The following MSRA variants were observed in gnomAD, a reference collection of about 807,000 sequenced individuals.
The protein encoded by MSRA is mitochondrial peptide methionine sulfoxide reductase.
In MSRA, 54 loss-of-function variants were observed where a neutral mutation model predicts 31.3. The ratio of observed to expected loss-of-function variants is 1.73; its 90% CI spans 1.39 to 2.17. The LOEUF (loss-of-function observed/expected upper bound fraction) is 2.17, where lower values mean the gene tolerates loss of function less well. MSRA is among the 30% of genes most tolerant of loss of function. MSRA has a pLI of 0.00. For synonymous variants in MSRA, 169 were observed against 116.5 expected (o/e 1.45, Z -2.90); for missense variants, 507 against 300.9 (o/e 1.69, Z -5.07).
chr8:10,157,411 A>T (rs902543255), intron 1 of MSRA, among the ~76,000 whole-genome samples: 82 of 152,150 alleles, frequency 5.4e-4, no homozygotes, highest in Non-Finnish European at 6.8e-4. Context: ...TTGATATCTC[A>T]GTTAATTTGG....
intron 5 of MSRA, among the ~76,000 whole-genome samples, chr8:10,417,330 G>C (rs1260769619): frequency 6.6e-6 from 1 of 151,854 alleles, no homozygotes; most frequent in Non-Finnish European, 1.5e-5. Context: ...TGACTCACAG[G>C]GGCAATTCCA....
intron 1 of MSRA, among the ~76,000 whole-genome samples, chr8:10,074,705 C>G (rs2128920088): frequency 1.3e-5 from 2 of 152,088 alleles, no homozygotes; most frequent in Admixed American, 1.3e-4. Flanking sequence ...GTTGCTGAGG[C>G]TGGAGTGCAG....
At chr8:10,186,716 TA>T (rs1807086863) in intron 1 of MSRA, among the ~76,000 whole-genome samples, 1 of 152,152 alleles carries the variant, frequency 6.6e-6, no homozygotes, top group Non-Finnish European at 1.5e-5. Context: ...TTTGGGGTAG[TA>T]GTGGCTGTGA....
chr8:10,358,610 T>TG (rs1804653527), intron 5 of MSRA, among the ~76,000 whole-genome samples: 1 of 87,090 alleles, frequency 1.1e-5, no homozygotes, highest in Non-Finnish European at 2.2e-5. Flanking sequence ...TTTTTTTTTT[T>TG]GAGACGGAGT....
chr8:10,360,942 A>T (rs1198310781), intron 5 of MSRA, among the ~76,000 whole-genome samples: 3 of 152,206 alleles, frequency 2.0e-5, no homozygotes, highest in Non-Finnish European at 4.4e-5. Flanking sequence ...CAGTACCTTT[A>T]TCTCTTAAAG....
At chr8:10,374,034 T>C (rs757359768) in intron 5 of MSRA, among the ~76,000 whole-genome samples, 3 of 152,184 alleles carry the variant, frequency 2.0e-5, no homozygotes, top group Non-Finnish European at 4.4e-5. Context: ...AGTTCCTGGC[T>C]TCCATGCAAA....
intron 1 of MSRA, among the ~76,000 whole-genome samples, chr8:10,117,983 ACT>A (rs1800809361): frequency 1.3e-5 from 2 of 152,184 alleles, no homozygotes; most frequent in South Asian, 4.1e-4. Flanking sequence ...ACCGTTCATC[ACT>A]CTGAGAGAGG....
At chr8:10,097,401 C>T (rs1032258321) in intron 1 of MSRA, among the ~76,000 whole-genome samples, 6 of 152,136 alleles carry the variant, frequency 3.9e-5, no homozygotes, top group Admixed American at 2.0e-4. Context: ...CTGATAGGCA[C>T]TCGGAAGGAA....
chr8:10,277,219 G>A (rs886191590), intron 3 of MSRA, among the ~76,000 whole-genome samples: 7 of 152,074 alleles, frequency 4.6e-5, no homozygotes, highest in African/African-American at 1.4e-4. Context: ...TCTAAGTCTC[G>A]TATCTTTTTC....
At chr8:10,270,169 A>G (rs986608206) in intron 3 of MSRA, among the ~76,000 whole-genome samples, 1 of 152,214 alleles carries the variant, frequency 6.6e-6, no homozygotes, top group Non-Finnish European at 1.5e-5. Flanking sequence ...TTAATGGAAT[A>G]TTATCAGAAA....
chr8:10,141,033 G>GA (rs1485901871), intron 1 of MSRA, among the ~76,000 whole-genome samples: 2 of 152,192 alleles, frequency 1.3e-5, no homozygotes, highest in Admixed American at 6.5e-5. Context: ...TGTAACATAA[G>GA]AAAAGGTGAT....
At chr8:10,057,608 G>A (rs1316925541) in intron 1 of MSRA, among the ~76,000 whole-genome samples, 1 of 152,156 alleles carries the variant, frequency 6.6e-6, no homozygotes. Context: ...GAGGGGCCTG[G>A]TGAGAGGTGA....
At chr8:10,065,104 C>T (rs1563389471) in intron 1 of MSRA, among the ~76,000 whole-genome samples, 1 of 152,208 alleles carries the variant, frequency 6.6e-6, no homozygotes, top group East Asian at 1.9e-4. Context: ...TACCAGTGAG[C>T]CCTCTGCAGG....
chr8:10,212,498 T>A (rs1809589779), intron 2 of MSRA, among the ~76,000 whole-genome samples: 1 of 152,230 alleles, frequency 6.6e-6, no homozygotes, highest in Non-Finnish European at 1.5e-5. Flanking sequence ...GTATATAATG[T>A]CACATCCACA....
intron 1 of MSRA, among the ~76,000 whole-genome samples, chr8:10,181,623 G>A (rs917374361): frequency 5.0e-4 from 76 of 152,276 alleles, no homozygotes; most frequent in African/African-American, 1.7e-3. Context: ...TTACTGAGGA[G>A]AACAGATGGG....
intron 1 of MSRA, among the ~76,000 whole-genome samples, chr8:10,131,799 C>T (rs1351999001): frequency 6.6e-6 from 1 of 152,094 alleles, no homozygotes; most frequent in Non-Finnish European, 1.5e-5. Flanking sequence ...TGCTGGGATG[C>T]CAGAAACACA....
chr8:10,211,482 G>A (rs1809490865), intron 2 of MSRA, among the ~76,000 whole-genome samples: 1 of 152,158 alleles, frequency 6.6e-6, no homozygotes, highest in Non-Finnish European at 1.5e-5. Flanking sequence ...TGTGTGTGAT[G>A]CTGTCTTTCA....
rs149945957 is a variant in MSRA, at chr8:10,229,332, T to C, written c.212-15772T>C. Among the ~76,000 whole-genome samples, 161 of 152,178 alleles carry C rather than the reference T, an allele frequency of 1.1e-3. 2 individuals are homozygous for C. The highest frequency in any genetic ancestry group is 6.8e-3 in the Middle Eastern group (2 of 294). ...AGCCATTAGAGAGGGATCATCTGAG[T>C]TGGGTGATAACCAAAGAGTTTTATG... On this transcript the variant is annotated intron_variant, in intron 2 of 5. Transcript: ENST00000317173.
chr8:10,193,266 C>T (rs1365338385), intron 1 of MSRA, among the ~76,000 whole-genome samples: 2 of 152,176 alleles, frequency 1.3e-5, no homozygotes, highest in Non-Finnish European at 2.9e-5. Flanking sequence ...TTTGGGCCTG[C>T]CTTAGACCCC....
Sources: allele counts gnomAD v4.1 joint callset (sites outside exome capture counted in the v4.1 genomes callset), GRCh38; gene constraint gnomAD v4.1.1; transcripts MANE v1.5; gene names NCBI Gene and HGNC (gene_info 2026-07-23, HGNC 2026-07-21).